TTI1: variants seen among roughly 807,000 people sequenced by gnomAD.
The protein encoded by TTI1 is TELO2 interacting protein 1, also known as TELO2-interacting protein 1 homolog.
A neutral mutation model predicts 85.4 loss-of-function variants in TTI1; 52 were observed. That is an observed-to-expected ratio of 0.61 (90% CI 0.49 to 0.77). The LOEUF is 0.77. Ranked by LOEUF, TTI1 falls within the 30% of genes least tolerant of loss-of-function variation. The probability of loss-of-function intolerance (pLI) is 0.00; values close to 1 mark genes in which losing one functional copy is unlikely to be tolerated. For synonymous variants in TTI1, 512 were observed against 503.9 expected, an observed-to-expected ratio of 1.02 and a Z score of -0.22; for missense variants, 1,173 against 1,296.0, an observed-to-expected ratio of 0.91 and a Z score of 1.46.
At chr20:38,021,044 T>C (rs1179304385) in intron 1 of TTI1, among the ~76,000 whole-genome samples, 1 of 152,190 alleles carries the variant, frequency 6.6e-6, no homozygotes, top group Admixed American at 6.5e-5. Flanking sequence ...TCAAAAGATA[T>C]ATTCTGGAAT....
intron 1 of TTI1, among the ~76,000 whole-genome samples, chr20:38,023,474 A>G (rs1346441980): frequency 3.3e-5 from 5 of 152,192 alleles, no homozygotes; most frequent in Non-Finnish European, 5.9e-5. Flanking sequence ...TGCACTGTAT[A>G]TATTCTCTAT....
chr20:37,996,884 T>C lies in TTI1; in HGVS notation c.2863A>G (p.Lys955Glu), dbSNP rs370866170. 1.1e-5 allele frequency: 18 copies of C among 1,614,002 alleles called. No individual in the cohort carries two copies. In the East Asian group the frequency reaches 3.8e-4, roughly 34 times the overall value. ...RSRFCKDVLPKLAGSLVTQAP... is the reference protein window; with the variant it reads ...RSRFCKDVLPELAGSLVTQAP... ...TGGGTGACTAGGGAGCCAGCCAGCT[T>C]TGGCAGGACATCTTTGCAGAACCGG... is the stretch of plus-strand genomic sequence containing the variant. The change falls in exon 6 of 8, where the codon AAG becomes GAG. Residue 955 changes from lysine to glutamate, a missense_variant. Physicochemically the swap from Lys to Glu is moderately conservative, Grantham distance 56. Coordinates refer to ENST00000373447, the MANE Select transcript of TTI1 (RefSeq NM_001303457.2).
At chr20:37,986,564 C>T (rs912469654) in intron 7 of TTI1, among the ~76,000 whole-genome samples, 3 of 152,228 alleles carry the variant, frequency 2.0e-5, no homozygotes, top group East Asian at 1.9e-4. Flanking sequence ...CAGGAATGCA[C>T]GTTCCTTCTC....
chr20:38,020,639 T>A (rs2073757545), intron 1 of TTI1, among the ~76,000 whole-genome samples: 1 of 151,852 alleles, frequency 6.6e-6, no homozygotes. Flanking sequence ...AAAAGATTTT[T>A]AAAAAATCAT....
In TTI1 at chr20:38,011,673, G is replaced by A. The variant is rs551987429; in HGVS notation, c.2144C>T (p.Thr715Ile). ...CAGCATGACTTCCAGGACCTTTGGG[G>A]TATGAGGATGCAGAGCCAGATGACG... The part of the protein sequence containing the change: ...NLRHLALHPH[T>I]PKVLEVMLRN... The change falls in exon 2 of 8, where the codon ACC becomes ATC. Residue 715 changes from threonine to isoleucine, a missense_variant. Transcript: ENST00000373447. 182 of 1,614,110 alleles carry A rather than the reference G, an allele frequency of 1.1e-4. No homozygotes were observed. The highest frequency in any genetic ancestry group is 3.3e-4 in the Middle Eastern group (2 of 6,084).
At chr20:38,006,501 G>T in intron 2 of TTI1, 104 bp from the exon 3 acceptor site, 1 of 1,287,974 alleles carries the variant, frequency 7.8e-7, no homozygotes, top group Non-Finnish European at 1.1e-6. Flanking sequence ...GCCCCCACAT[G>T]ATTCAGTCCC....
chr20:38,029,684 T>C (rs954015719), intron 1 of TTI1, among the ~76,000 whole-genome samples: 1 of 152,082 alleles, frequency 6.6e-6, no homozygotes, highest in Non-Finnish European at 1.5e-5. Context: ...CAAAGGGTAA[T>C]ATGGGAATGC....
In TTI1 at chr20:38,012,408, C is replaced by T. The variant is rs777730935; in HGVS notation, c.1409G>A (p.Arg470His). 39 of 1,614,088 alleles carry T rather than the reference C, an allele frequency of 2.4e-5. No homozygotes were observed. Among genetic ancestry groups the T allele is most frequent in the Admixed American group, 8.3e-5 (5 of 60,014 alleles). The change falls in exon 2 of 8, where the codon CGC (arginine) becomes CAC (histidine). Residue 470 changes from arginine (R) to histidine (H), a missense_variant. Transcript: ENST00000373447. ...GAAGCGGAAATATCTCCTCTGGATG[C>T]GGTTCCAAGGCTGTGTGGCTGAGGT... ...PKTSATQPWN[R>H]IQRRYFRFFT...
chr20:38,011,926 A>G lies in TTI1; in HGVS notation c.1891T>C (p.Leu631=). 1 of 1,614,182 alleles carries G rather than the reference A, an allele frequency of 6.2e-7. No homozygotes were observed. Residue 631 remains leucine, a synonymous_variant, in exon 2 of 8, where the codon TTG becomes CTG. Transcript: ENST00000373447. Reference sequence around the variant, plus strand: ...TATGCAAACTGGCCAATTCCTTCCAACTGAATGCATATTTGCCAGATGTTA... The same window carrying G: ...TATGCAAACTGGCCAATTCCTTCCAGCTGAATGCATATTTGCCAGATGTTA... ...NSNIWQICIQ[L]EGIGQFAYAL...
At chr20:37,989,753 A>G (rs1380547443) in intron 7 of TTI1, among the ~76,000 whole-genome samples, 2 of 152,242 alleles carry the variant, frequency 1.3e-5, no homozygotes, top group Non-Finnish European at 2.9e-5. Flanking sequence ...AGACATCTTC[A>G]TAGCAGCCTA....
At chr20:38,006,456 A>G in intron 2 of TTI1, 59 bp from the exon 3 acceptor site, 1 of 1,580,476 alleles carries the variant, frequency 6.3e-7, no homozygotes, top group South Asian at 1.1e-5. Context: ...TGAGTACTTT[A>G]TACACAGAAT....
intron 2 of TTI1, among the ~76,000 whole-genome samples, chr20:38,008,885 G>C (rs2073539358): frequency 6.6e-6 from 1 of 152,246 alleles, no homozygotes; most frequent in South Asian, 2.1e-4. Flanking sequence ...ATAAAAGCTA[G>C]CTCTAAGTTT....
chr20:37,989,291 C>T (rs2073231542), intron 7 of TTI1, among the ~76,000 whole-genome samples: 1 of 152,160 alleles, frequency 6.6e-6, no homozygotes, highest in South Asian at 2.1e-4. Flanking sequence ...CACACAGAGA[C>T]CCATATCAAA....
chr20:38,012,316 G>C lies in TTI1; in HGVS notation c.1501C>G (p.Leu501Val). 1 of 1,614,164 alleles carries C rather than the reference G, an allele frequency of 6.2e-7. No individual in the cohort carries two copies. Among genetic ancestry groups the C allele is most frequent in the Admixed American group, 1.7e-5 (1 of 60,016 alleles). ...ATAAAGTGATCCACAAGCAAATAAA[G>C]ATTCCCATAATAACCAAGTAGCTGA... is the stretch of plus-strand genomic sequence containing the variant. ...VCQLLGYYGN[L>V]YLLVDHFMEL... The change falls in exon 2 of 8, where the codon CTT (leucine) becomes GTT (valine). Residue 501 changes from leucine to valine, a missense_variant. Transcript: ENST00000373447.
Position 38,020,323 on chromosome 20 carries a change from A to AATATATATAT in TTI1, c.-41-6476_-41-6467dup, listed in dbSNP as rs1159604655. On this transcript the variant is annotated intron_variant, in intron 1 of 7. Transcript: ENST00000373447. ...GGCTACTCATATGAAAAAAAAAAAAAATATATATATATATATATATATATA... is the reference window on the plus strand; with the variant it reads ...GGCTACTCATATGAAAAAAAAAAAAAATATATATATATATATATATATATATATATATATA... 2.2e-3 allele frequency among the ~76,000 whole-genome samples: 111 copies of AATATATATAT among 50,360 alleles called. 1 individual carries two copies. The highest frequency in any genetic ancestry group is 7.5e-3 in the East Asian group (13 of 1,742). 33.0% of individuals were successfully genotyped at this position (50,360 alleles called of 152,430 possible).
intron 7 of TTI1, among the ~76,000 whole-genome samples, chr20:37,993,639 AAGACAGGAGGCC>A (rs2073297453): frequency 8.5e-5 from 13 of 152,276 alleles, no homozygotes; most frequent in Admixed American, 4.6e-4. Context: ...CTCCTTCCAG[AAGACAGGAGGCC>A]TGGGAGCAGC....
At chr20:38,028,291 T>G (rs567448127) in intron 1 of TTI1, among the ~76,000 whole-genome samples, 1 of 152,292 alleles carries the variant, frequency 6.6e-6, no homozygotes, top group East Asian at 1.9e-4. Flanking sequence ...AAACTCACTA[T>G]GCAGAATTAT....
rs539727268 is a variant in TTI1 at position 38,017,425 on chromosome 20, TGTGTGTGTGTGC to T, written c.-41-3580_-41-3569del. 6.8e-3 allele frequency among the ~76,000 whole-genome samples: 1,035 copies of T among 151,628 alleles called. 6 individuals are homozygous for T. The highest frequency in any genetic ancestry group is 0.02 in the African/African-American group (821 of 41,264). ...TAGCTTGTGTGTGTGTGTGTGTGTG[TGTGTGTGTGTGC>T]GCGCGCGCCTTTGGTGTGTGCGCAC... On this transcript the variant is annotated intron_variant, in intron 1 of 7. Coordinates refer to ENST00000373447, the MANE Select transcript of TTI1 (RefSeq NM_001303457.2).
chr20:38,023,571 G>A (rs1291787700), intron 1 of TTI1, among the ~76,000 whole-genome samples: 4 of 152,186 alleles, frequency 2.6e-5, no homozygotes, highest in African/African-American at 7.2e-5. Flanking sequence ...GAGTACACTG[G>A]AGGACTACTA....
Sources: allele counts gnomAD v4.1 joint callset (sites outside exome capture counted in the v4.1 genomes callset), GRCh38; gene constraint gnomAD v4.1.1; transcripts MANE v1.5; gene names NCBI Gene and HGNC (gene_info 2026-07-23, HGNC 2026-07-21).